The following ADGRL2 variants were observed in gnomAD, a reference collection of about 807,000 sequenced individuals.
The protein encoded by ADGRL2 is adhesion G protein-coupled receptor L2, also known as calcium-independent alpha-latrotoxin receptor 2.
Under a neutral mutation model 157.4 loss-of-function variants are expected in ADGRL2, and 44 were observed. The observed-to-expected ratio is 0.28, with a 90% CI of 0.22 to 0.36. ADGRL2 has a LOEUF of 0.36. Ranked by LOEUF, ADGRL2 falls within the 10% of genes least tolerant of loss-of-function variation. ADGRL2 has a pLI of 1.00. For synonymous variants in ADGRL2, 585 were observed against 624.7 expected (o/e 0.94, Z 0.95); for missense variants, 1,510 against 1,768.9 (o/e 0.85, Z 2.63).
At chr1:81,636,336 T>A (rs1235585659) in intron 3 of ADGRL2, among the ~76,000 whole-genome samples, 2 of 152,208 alleles carry the variant, frequency 1.3e-5, no homozygotes, top group Non-Finnish European at 2.9e-5. Context: ...ATCATTTACT[T>A]TTTAATAATT....
chr1:81,602,399 C>T (rs1019239049), intron 3 of ADGRL2, among the ~76,000 whole-genome samples: 23 of 152,010 alleles, frequency 1.5e-4, no homozygotes, highest in Non-Finnish European at 3.1e-4. Flanking sequence ...TCAAGACCCA[C>T]CTGACCAAGA....
intron 3 of ADGRL2, among the ~76,000 whole-genome samples, chr1:81,627,343 A>AG (rs1362615979): frequency 1.3e-5 from 2 of 152,164 alleles, no homozygotes; most frequent in African/African-American, 4.8e-5. Flanking sequence ...ATAGTTGTGC[A>AG]GCGTCAACTC....
At chr1:81,550,155 GATGCCAGTCA>G (rs2080111728) in intron 2 of ADGRL2, among the ~76,000 whole-genome samples, 1 of 152,176 alleles carries the variant, frequency 6.6e-6, no homozygotes, top group Admixed American at 6.6e-5. Flanking sequence ...ACAGATGGAA[GATGCCAGTCA>G]ATGCCTTATA....
intron 3 of ADGRL2, among the ~76,000 whole-genome samples, chr1:81,914,723 G>A (rs1014663647): frequency 1.3e-5 from 2 of 151,998 alleles, no homozygotes; most frequent in African/African-American, 2.4e-5. Flanking sequence ...TCTCTCACTC[G>A]TGGCCTAGTT....
At position 81,950,199 on chromosome 1, in the gene ADGRL2, A is replaced by C. The variant is rs1271235025; in HGVS notation, c.1221A>C (p.Thr407=). ...ATCTTTTTTCCATAGTGCCTACCAC[A>C]GCTGTGACAATAACTTCTTCAGCTG... ...GPPDPAQVPT[T]AVTITSSAEL... The change falls in exon 7 of 24, where the codon ACA becomes ACC. Residue 407 remains threonine (T), a synonymous_variant. Coordinates refer to ENST00000686636, the MANE Select transcript of ADGRL2 (RefSeq NM_001366006.2). The C allele has an allele frequency of 6.2e-7, 1 of 1,613,842 alleles. No homozygotes were observed. Among genetic ancestry groups the C allele is most frequent in the Admixed American group, 1.7e-5 (1 of 59,994 alleles).
chr1:81,583,282 C>G (rs1165115590), intron 3 of ADGRL2, among the ~76,000 whole-genome samples: 5 of 152,018 alleles, frequency 3.3e-5, no homozygotes, highest in African/African-American at 7.2e-5. Context: ...CTTTTAGTAC[C>G]TGAAAGGTTA....
At chr1:81,986,189 G>T (rs190234419) in intron 21 of ADGRL2, among the ~76,000 whole-genome samples, 2 of 152,034 alleles carry the variant, frequency 1.3e-5, no homozygotes, top group Non-Finnish European at 2.9e-5. Context: ...AATGAAAGAC[G>T]TGCATTTCTT....
At chr1:81,733,892 TA>T (rs1478700463) in intron 1 of ADGRL2, among the ~76,000 whole-genome samples, 1 of 152,050 alleles carries the variant, frequency 6.6e-6, no homozygotes, top group African/African-American at 2.4e-5. Context: ...GTACAAGGCT[TA>T]ATACCTGGGT....
intron 2 of ADGRL2, chr1:81,502,854 C>G: frequency 4.3e-6 from 7 of 1,612,974 alleles, no homozygotes; most frequent in Non-Finnish European, 5.9e-6. Flanking sequence ...CCCTCCTCTC[C>G]CCACCCAAGA....
chr1:81,867,760 C>A (rs928087211), intron 2 of ADGRL2, among the ~76,000 whole-genome samples: 1 of 152,074 alleles, frequency 6.6e-6, no homozygotes, highest in African/African-American at 2.4e-5. Context: ...AATTTTAATT[C>A]ATAAGATATT....
intron 2 of ADGRL2, among the ~76,000 whole-genome samples, chr1:81,498,268 T>C (rs1417861272): frequency 6.6e-6 from 1 of 152,238 alleles, no homozygotes; most frequent in East Asian, 1.9e-4. Context: ...AACATGCTCT[T>C]TCTTACCATA....
chr1:81,816,127 T>A lies in ADGRL2; in HGVS notation c.-101+15059T>A, dbSNP rs554833483. ...ACACTAATGGCCTCATTCTCCTTAT[T>A]GCTTGTTAATTCTGTGAAAATCAAG... On this transcript the variant is annotated intron_variant, in intron 1 of 23. Coordinates refer to ENST00000686636, the MANE Select transcript of ADGRL2 (RefSeq NM_001366006.2). Among the ~76,000 whole-genome samples, 10 of 151,936 alleles carry A rather than the reference T, an allele frequency of 6.6e-5. No individual in the cohort carries two copies. In the East Asian group the frequency reaches 1.9e-3, roughly 29 times the overall value.
chr1:81,714,339 G>T (rs1000570569), intron 1 of ADGRL2, among the ~76,000 whole-genome samples: 1 of 152,134 alleles, frequency 6.6e-6, no homozygotes, highest in Non-Finnish European at 1.5e-5. Flanking sequence ...GGAATAAATT[G>T]TTACCTCACT....
intron 17 of ADGRL2, among the ~76,000 whole-genome samples, chr1:81,978,480 G>A (rs2149410892): frequency 6.6e-6 from 1 of 151,836 alleles, no homozygotes; most frequent in East Asian, 1.9e-4. Flanking sequence ...TCAAAGGACA[G>A]AATGTTACCT....
At chr1:81,716,816 G>A (rs942972913) in intron 1 of ADGRL2, among the ~76,000 whole-genome samples, 2 of 152,174 alleles carry the variant, frequency 1.3e-5, no homozygotes, top group Admixed American at 1.3e-4. Context: ...GTGGTAATAA[G>A]GAAGATTAAA....
chr1:81,373,857 G>A (rs1011325806), intron 1 of ADGRL2, among the ~76,000 whole-genome samples: 1 of 152,196 alleles, frequency 6.6e-6, no homozygotes, highest in Non-Finnish European at 1.5e-5. Flanking sequence ...TGATTTAGGA[G>A]ACATAATCTG....
At chr1:81,636,960 C>T (rs562164975) in intron 3 of ADGRL2, among the ~76,000 whole-genome samples, 32 of 152,048 alleles carry the variant, frequency 2.1e-4, no homozygotes, top group Admixed American at 1.0e-3. Context: ...CTCAACCTCC[C>T]GAGTAGCTGG....
At chr1:81,769,429 T>C (rs747506731) in intron 2 of ADGRL2, among the ~76,000 whole-genome samples, 5 of 152,104 alleles carry the variant, frequency 3.3e-5, no homozygotes, top group Non-Finnish European at 5.9e-5. Flanking sequence ...AGTGTTAGTG[T>C]CATGTGTTGA....
intron 4 of ADGRL2, among the ~76,000 whole-genome samples, chr1:81,939,935 C>T (rs987211036): frequency 6.6e-6 from 1 of 150,900 alleles, no homozygotes; most frequent in Non-Finnish European, 1.5e-5. Context: ...TAAATCTTTA[C>T]TTTTGAGTGT....
Sources: allele counts gnomAD v4.1 joint callset (sites outside exome capture counted in the v4.1 genomes callset), GRCh38; gene constraint gnomAD v4.1.1; transcripts MANE v1.5; gene names NCBI Gene and HGNC (gene_info 2026-07-23, HGNC 2026-07-21).